NREP: variants seen among roughly 807,000 people sequenced by gnomAD.
The protein encoded by NREP is neuronal regeneration-related protein.
Under a neutral mutation model 8.6 loss-of-function variants are expected in NREP, and 5 were observed. The observed-to-expected ratio is 0.58, with a 90% CI of 0.30 to 1.22. The LOEUF (loss-of-function observed/expected upper bound fraction) is 1.22. Among genes scored for constraint, NREP ranks in the 50% most tolerant of loss-of-function variants. The pLI is 0.07. For missense variants in NREP, 86 were observed against 82.5 expected, an observed-to-expected ratio of 1.04 and a Z score of -0.17; for synonymous variants, 27 against 28.0, an observed-to-expected ratio of 0.96 and a Z score of 0.11.
At chr5:111,959,077 G>A (rs1581251900) in intron 2 of NREP, among the ~76,000 whole-genome samples, 1 of 152,098 alleles carries the variant, frequency 6.6e-6, no homozygotes, top group East Asian at 1.9e-4. Flanking sequence ...GAAACTAAAT[G>A]TGGGAATCAA....
chr5:111,913,531 G>C (rs931701606), intron 2 of NREP, among the ~76,000 whole-genome samples: 3 of 152,092 alleles, frequency 2.0e-5, no homozygotes, highest in Non-Finnish European at 2.9e-5. Flanking sequence ...TAACAGGGAT[G>C]TGAGTTCATA....
At chr5:111,845,245 T>A (rs1476398217) in intron 2 of NREP, among the ~76,000 whole-genome samples, 1 of 151,330 alleles carries the variant, frequency 6.6e-6, no homozygotes, top group African/African-American at 2.4e-5. Flanking sequence ...AAACGTAATG[T>A]GAAACTGTCC....
At chr5:111,857,805 A>C (rs1282773175) in intron 2 of NREP, among the ~76,000 whole-genome samples, 1 of 152,150 alleles carries the variant, frequency 6.6e-6, no homozygotes, top group Non-Finnish European at 1.5e-5. Flanking sequence ...AAATGGATGC[A>C]TATGCTGTTT....
chr5:111,933,558 T>C (rs1401747264), intron 2 of NREP, among the ~76,000 whole-genome samples: 5 of 152,080 alleles, frequency 3.3e-5, no homozygotes, highest in Admixed American at 6.6e-5. Context: ...AGAGGAAGTA[T>C]TGCCATCCAA....
At chr5:111,801,557 C>G (rs1395682093) in intron 2 of NREP, among the ~76,000 whole-genome samples, 1 of 152,042 alleles carries the variant, frequency 6.6e-6, no homozygotes, top group Non-Finnish European at 1.5e-5. Flanking sequence ...AGAGTGTTGG[C>G]AGAATGTGTG....
At chr5:111,754,372 A>G (rs549847402) in intron 2 of NREP, among the ~76,000 whole-genome samples, 71 of 152,306 alleles carry the variant, frequency 4.7e-4, no homozygotes, top group African/African-American at 1.6e-3. Context: ...ATTTATGTTT[A>G]AACTGGTCAC....
chr5:111,794,572 C>A (rs1490042389), intron 2 of NREP, among the ~76,000 whole-genome samples: 2 of 152,086 alleles, frequency 1.3e-5, no homozygotes, highest in African/African-American at 4.8e-5. Context: ...AGAAGCCAAT[C>A]TGAAGTGAGT....
chr5:111,882,721 A>G (rs945186529), intron 2 of NREP, among the ~76,000 whole-genome samples: 5 of 152,290 alleles, frequency 3.3e-5, no homozygotes, highest in Non-Finnish European at 7.4e-5. Flanking sequence ...ATATCCAGCC[A>G]AACTAAGCTT....
chr5:111,878,584 T>C (rs1386490565), intron 2 of NREP, among the ~76,000 whole-genome samples: 1 of 152,202 alleles, frequency 6.6e-6, no homozygotes, highest in East Asian at 1.9e-4. Flanking sequence ...AGCCCAACCA[T>C]ATCACTAGAT....
chr5:111,899,866 T>C (rs1420872612), intron 2 of NREP, among the ~76,000 whole-genome samples: 2 of 152,192 alleles, frequency 1.3e-5, no homozygotes, highest in East Asian at 3.8e-4. Flanking sequence ...CAATAATAGC[T>C]GGGGACTTCA....
At chr5:111,805,409 C>A (rs1300962207) in intron 2 of NREP, among the ~76,000 whole-genome samples, 3 of 152,132 alleles carry the variant, frequency 2.0e-5, no homozygotes, top group East Asian at 1.9e-4. Context: ...TTGAAAACAA[C>A]CTAAATGCCC....
At chr5:111,758,458 A>G (rs1750869110), upstream of NREP, among the ~76,000 whole-genome samples, 1 of 152,232 alleles carries the variant, frequency 6.6e-6, no homozygotes, top group African/African-American at 2.4e-5. Context: ...TTTTCATAGT[A>G]ATGTAATAGC....
At chr5:111,755,896 T>A in intron 1 of NREP, 66 bp from the exon 2 acceptor site, 1 of 1,591,388 alleles carries the variant, frequency 6.3e-7, no homozygotes, top group Non-Finnish European at 8.6e-7. Flanking sequence ...GAAAAATGCC[T>A]CTTTAGAGGT....
intron 2 of NREP, among the ~76,000 whole-genome samples, chr5:111,774,305 CAT>C (rs1343927828): frequency 6.6e-6 from 1 of 151,904 alleles, no homozygotes; most frequent in Non-Finnish European, 1.5e-5. Context: ...GGGAAAAAGA[CAT>C]ATGATATTAT....
At chr5:111,908,404 T>C (rs928921001) in intron 2 of NREP, among the ~76,000 whole-genome samples, 1 of 152,032 alleles carries the variant, frequency 6.6e-6, no homozygotes, top group East Asian at 1.9e-4. Flanking sequence ...TAATGCTCAA[T>C]AGTTTTTCAA....
intron 2 of NREP, among the ~76,000 whole-genome samples, chr5:111,841,885 T>C (rs555448994): frequency 3.3e-5 from 5 of 152,148 alleles, no homozygotes; most frequent in Non-Finnish European, 7.4e-5. Context: ...ATCTTATAGA[T>C]TGGAAGGCTA....
At chr5:111,758,201 G>T, upstream of NREP, 1 of 985,586 alleles carries the variant, frequency 1.0e-6, no homozygotes, top group Non-Finnish European at 1.2e-6. Context: ...CGGGCCCAGA[G>T]GTCCTGTGGC....
intron 2 of NREP, among the ~76,000 whole-genome samples, chr5:111,919,256 C>A (rs1486487386): frequency 3.3e-5 from 5 of 151,890 alleles, no homozygotes; most frequent in African/African-American, 1.2e-4. Flanking sequence ...GCATAAATAA[C>A]TCTTTTACAC....
chr5:111,813,610 C>T (rs982854907), intron 2 of NREP, among the ~76,000 whole-genome samples: 2 of 151,952 alleles, frequency 1.3e-5, no homozygotes, highest in African/African-American at 2.4e-5. Flanking sequence ...AAAATATTGT[C>T]CAAAGTGTAC....
Sources: gnomAD v4.1 joint callset for allele counts (sites outside exome capture counted in the v4.1 genomes callset) on GRCh38, gnomAD v4.1.1 for gene constraint, MANE v1.5 for transcripts, NCBI Gene and HGNC (gene_info 2026-07-23, HGNC 2026-07-21) for gene names.